Variants in XKR4 observed in about 807,000 individuals in gnomAD.
The protein encoded by XKR4 is XK related 4, also known as XK-related protein 4.
Under a neutral mutation model 53.9 loss-of-function variants are expected in XKR4, and 12 were observed. That is an observed-to-expected ratio of 0.22 (90% CI 0.14 to 0.36). XKR4 has a LOEUF of 0.36. Among genes scored for constraint, XKR4 ranks in the 10% least tolerant of loss-of-function variants. The pLI, the probability that XKR4 is intolerant of heterozygous loss-of-function variation, is 1.00. For missense variants in XKR4, 799 were observed against 859.5 expected, an observed-to-expected ratio of 0.93 and a Z score of 0.88; for synonymous variants, 354 against 362.4, an observed-to-expected ratio of 0.98 and a Z score of 0.26.
At chr8:55,207,281 C>A (rs1239862699) in intron 1 of XKR4, among the ~76,000 whole-genome samples, 1 of 152,150 alleles carries the variant, frequency 6.6e-6, no homozygotes, top group Admixed American at 6.5e-5. Context: ...CTGCCCAACA[C>A]CCCTGTTCCT....
intron 2 of XKR4, among the ~76,000 whole-genome samples, chr8:55,462,579 TA>T (rs1330302957): frequency 6.6e-6 from 1 of 152,040 alleles, no homozygotes; most frequent in Admixed American, 6.6e-5. Context: ...ACGAGCAAAA[TA>T]ACCAGCTAAC....
intron 1 of XKR4, among the ~76,000 whole-genome samples, chr8:55,140,665 A>G: frequency 6.6e-6 from 1 of 152,208 alleles, no homozygotes; most frequent in South Asian, 2.1e-4. Flanking sequence ...CTGGTGTATC[A>G]GATGTCTGGA....
At chr8:55,151,787 C>A (rs531180220) in intron 1 of XKR4, among the ~76,000 whole-genome samples, 1 of 152,240 alleles carries the variant, frequency 6.6e-6, no homozygotes, top group East Asian at 1.9e-4. Flanking sequence ...ACTTCATTAT[C>A]CTCATATCAT....
In XKR4 at chr8:55,481,706, AC is replaced by A. The variant is rs1439828393; in HGVS notation, c.1007-41574del. 1.2e-3 allele frequency among the ~76,000 whole-genome samples: 190 copies of A among 152,230 alleles called. 1 individual carries two copies. Among genetic ancestry groups the A allele is most frequent in the African/African-American group, 4.2e-3 (176 of 41,508 alleles). ...ACTCAAATCAATTTACAAGAAAAAAACAAACAACCCCATCAAAAAGTGGGCA... is the reference window on the plus strand; with the variant it reads ...ACTCAAATCAATTTACAAGAAAAAAAAAACAACCCCATCAAAAAGTGGGCA... On this transcript the variant is annotated intron_variant, in intron 2 of 2. Coordinates refer to ENST00000327381, the MANE Select transcript of XKR4 (RefSeq NM_052898.2).
chr8:55,407,991 G>A (rs115453409), intron 2 of XKR4, among the ~76,000 whole-genome samples: 2,132 of 152,294 alleles, frequency 0.014, 28 homozygotes, highest in African/African-American at 0.035. Context: ...ACCTGAAGAT[G>A]TGATCCTACT....
chr8:55,246,841 G>A (rs1469109846), intron 1 of XKR4, among the ~76,000 whole-genome samples: 1 of 151,854 alleles, frequency 6.6e-6, no homozygotes. Context: ...TGTAACAGGA[G>A]AATAATGAGA....
At chr8:55,278,059 G>A (rs762912133) in intron 1 of XKR4, among the ~76,000 whole-genome samples, 5 of 152,144 alleles carry the variant, frequency 3.3e-5, no homozygotes, top group Non-Finnish European at 5.9e-5. Flanking sequence ...ATCCAGTCAG[G>A]TGCAATGGCT....
chr8:55,363,441 A>T (rs1292250855), intron 2 of XKR4, among the ~76,000 whole-genome samples: 1 of 152,194 alleles, frequency 6.6e-6, no homozygotes, highest in Non-Finnish European at 1.5e-5. Context: ...CTCCACAGGA[A>T]GTCAGAAGTA....
intron 1 of XKR4, among the ~76,000 whole-genome samples, chr8:55,269,572 A>C (rs1818658283): frequency 6.6e-6 from 1 of 152,132 alleles, no homozygotes; most frequent in African/African-American, 2.4e-5. Context: ...TAGTGAGTGG[A>C]GAAAGAATGA....
chr8:55,157,348 GAT>G (rs1335906351), intron 1 of XKR4, among the ~76,000 whole-genome samples: 1 of 152,178 alleles, frequency 6.6e-6, no homozygotes, highest in Non-Finnish European at 1.5e-5. Context: ...ATGATAAAGA[GAT>G]AGCATCATCT....
chr8:55,332,584 T>C (rs1414376138), intron 1 of XKR4, among the ~76,000 whole-genome samples: 2 of 152,074 alleles, frequency 1.3e-5, no homozygotes, highest in Non-Finnish European at 2.9e-5. Flanking sequence ...AATTCTTAGT[T>C]GACAGTTTTT....
At chr8:55,402,855 C>T (rs1447520158) in intron 2 of XKR4, among the ~76,000 whole-genome samples, 1 of 152,114 alleles carries the variant, frequency 6.6e-6, no homozygotes, top group African/African-American at 2.4e-5. Context: ...GCAGGGAAAA[C>T]ACAGCAAATA....
chr8:55,372,175 G>A (rs942326987), intron 2 of XKR4, among the ~76,000 whole-genome samples: 1 of 152,228 alleles, frequency 6.6e-6, no homozygotes, highest in Non-Finnish European at 1.5e-5. Context: ...GAACAAAGAA[G>A]CATCAATAAG....
chr8:55,232,553 C>T (rs1818058069), intron 1 of XKR4, among the ~76,000 whole-genome samples: 1 of 152,154 alleles, frequency 6.6e-6, no homozygotes, highest in Admixed American at 6.5e-5. Context: ...GCTTTGGAAA[C>T]ATCAAATTTT....
intron 1 of XKR4, among the ~76,000 whole-genome samples, chr8:55,331,193 T>C (rs1272364675): frequency 6.6e-6 from 1 of 152,194 alleles, no homozygotes; most frequent in African/African-American, 2.4e-5. Context: ...ATTTTCCTTG[T>C]GATTTCTTCC....
At chr8:55,429,212 A>G (rs1228537795) in intron 2 of XKR4, among the ~76,000 whole-genome samples, 1 of 152,248 alleles carries the variant, frequency 6.6e-6, no homozygotes, top group Non-Finnish European at 1.5e-5. Flanking sequence ...GCAACTGGAC[A>G]TTCATAGGCA....
intron 2 of XKR4, among the ~76,000 whole-genome samples, chr8:55,440,310 A>C (rs1374109052): frequency 6.6e-6 from 1 of 152,196 alleles, no homozygotes; most frequent in Non-Finnish European, 1.5e-5. Context: ...TGCAAGGATG[A>C]GAGAAGATTA....
intron 1 of XKR4, among the ~76,000 whole-genome samples, chr8:55,127,671 T>C (rs918411195): frequency 3.3e-5 from 5 of 150,710 alleles, no homozygotes; most frequent in African/African-American, 1.2e-4. Context: ...CATGTTGGTG[T>C]GCTGCACCCA....
At chr8:55,308,333 C>T (rs1819336472) in intron 1 of XKR4, among the ~76,000 whole-genome samples, 1 of 152,176 alleles carries the variant, frequency 6.6e-6, no homozygotes, top group Admixed American at 6.5e-5. Context: ...TTAATTGACT[C>T]ACAGTTCTGC....
Sources: gnomAD v4.1 joint callset for allele counts (sites outside exome capture counted in the v4.1 genomes callset) on GRCh38, gnomAD v4.1.1 for gene constraint, MANE v1.5 for transcripts, NCBI Gene and HGNC (gene_info 2026-07-23, HGNC 2026-07-21) for gene names.